Variants in MLLT10 observed in about 807,000 individuals in gnomAD.
The protein encoded by MLLT10 is MLLT10 histone lysine methyltransferase DOT1L cofactor, also known as protein AF-10.
MLLT10 carries 30 observed loss-of-function variants against 129.1 expected under a neutral mutation model. That is an observed-to-expected ratio of 0.23 (90% CI 0.17 to 0.32). The LOEUF (loss-of-function observed/expected upper bound fraction) is 0.32, where lower values mean the gene tolerates loss of function less well. Among genes scored for constraint, MLLT10 ranks in the 10% least tolerant of loss-of-function variants. The pLI, the probability that MLLT10 is intolerant of heterozygous loss-of-function variation, is 1.00. For synonymous variants in MLLT10, 490 were observed against 446.4 expected, an observed-to-expected ratio of 1.10 and a Z score of -1.23; for missense variants, 1,119 against 1,268.3, an observed-to-expected ratio of 0.88 and a Z score of 1.79.
At position 21,734,115 on chromosome 10, in the gene MLLT10, T is replaced by A. The variant is rs765336767; in HGVS notation, c.2844T>A (p.Ala948=). The stretch of plus-strand genomic sequence containing the variant: ...CTAATGCAACACATCCAATGCCAGC[T>A]ACACTGACTAACAGGTAAGAAACTT... ...VPPNATHPMP[A]TLTNSASGLG... Residue 948 remains alanine (A), a synonymous_variant, in exon 20 of 23, where the codon GCT becomes GCA. Coordinates refer to ENST00000307729, the MANE Select transcript of MLLT10 (RefSeq NM_001195626.3). 1 of 1,605,346 alleles carries A rather than the reference T, an allele frequency of 6.2e-7. No individual in the cohort carries two copies. Among genetic ancestry groups the A allele is most frequent in the Non-Finnish European group, 8.5e-7 (1 of 1,174,560 alleles).
chr10:21,555,812 C>T (rs2037852089), intron 3 of MLLT10, among the ~76,000 whole-genome samples: 1 of 151,204 alleles, frequency 6.6e-6, no homozygotes, highest in African/African-American at 2.4e-5. Context: ...GGTTTATAGG[C>T]ATGCACCACG....
chr10:21,633,986 T>G (rs1424478599), intron 8 of MLLT10, among the ~76,000 whole-genome samples: 1 of 152,132 alleles, frequency 6.6e-6, no homozygotes, highest in Admixed American at 6.5e-5. Flanking sequence ...TCTAAAATAG[T>G]CCCAGCACTT....
At chr10:21,652,951 G>A (rs936340932) in intron 9 of MLLT10, among the ~76,000 whole-genome samples, 3 of 152,166 alleles carry the variant, frequency 2.0e-5, no homozygotes, top group Non-Finnish European at 2.9e-5. Flanking sequence ...AGGATCCATG[G>A]ATGATTCCAA....
intron 14 of MLLT10, among the ~76,000 whole-genome samples, chr10:21,718,778 A>G (rs1009496719): frequency 1.4e-4 from 21 of 152,174 alleles, no homozygotes; most frequent in Non-Finnish European, 2.8e-4. Flanking sequence ...CTAGAGTGCA[A>G]TGGCACGATC....
At chr10:21,687,128 C>G (rs2053383475) in intron 13 of MLLT10, among the ~76,000 whole-genome samples, 1 of 152,144 alleles carries the variant, frequency 6.6e-6, no homozygotes, top group South Asian at 2.1e-4. Context: ...CAACTGCGCT[C>G]ACTAAACAAA....
intron 13 of MLLT10, among the ~76,000 whole-genome samples, chr10:21,706,048 T>A (rs1490195699): frequency 1.3e-5 from 2 of 152,220 alleles, no homozygotes; most frequent in Admixed American, 1.3e-4. Flanking sequence ...CTTTCCTTCC[T>A]TGTTTTAGGT....
chr10:21,623,370 G>A (rs1027078929), intron 8 of MLLT10, among the ~76,000 whole-genome samples: 1 of 152,130 alleles, frequency 6.6e-6, no homozygotes, highest in Non-Finnish European at 1.5e-5. Flanking sequence ...GTTGAAAGGG[G>A]CTTATTATGA....
intron 11 of MLLT10, among the ~76,000 whole-genome samples, chr10:21,678,017 G>C (rs1171007213): frequency 2.6e-5 from 4 of 152,196 alleles, no homozygotes; most frequent in Admixed American, 6.5e-5. Context: ...CATGTGGTTA[G>C]AAGTATGCTG....
At chr10:21,571,510 G>T (rs932695358) in intron 3 of MLLT10, among the ~76,000 whole-genome samples, 2 of 152,180 alleles carry the variant, frequency 1.3e-5, no homozygotes, top group Non-Finnish European at 2.9e-5. Context: ...CGGCCCATTT[G>T]TTTTTTGTCT....
rs759267882 is a variant in MLLT10 at position 21,740,200 on chromosome 10, C to T, written c.3126C>T (p.Leu1042=). The T allele has an allele frequency of 1.2e-5, 19 of 1,614,196 alleles. No individual in the cohort carries two copies. The highest frequency in any genetic ancestry group is 1.6e-5 in the Non-Finnish European group (19 of 1,180,040). The change falls in exon 22 of 23, where the codon CTC becomes CTT. Residue 1042 remains leucine, a synonymous_variant. Coordinates refer to ENST00000307729, the MANE Select transcript of MLLT10 (RefSeq NM_001195626.3). ...PLHTATTNPF[L]TIHGDNASQK... ...ACACAGCTACCACCAACCCATTTCT[C>T]ACCATCCATGGAGATAATGCAAGTC...
chr10:21,613,192 CAAAAAAAAA>C (rs993493277), intron 6 of MLLT10, among the ~76,000 whole-genome samples: 59 of 24,642 alleles, frequency 2.4e-3, no homozygotes, highest in African/African-American at 6.8e-3. Context: ...GACTCTGTCT[CAAAAAAAAA>C]AAAAAAAAAA....
intron 2 of MLLT10, among the ~76,000 whole-genome samples, chr10:21,538,178 A>G (rs993847121): frequency 7.1e-6 from 1 of 141,602 alleles, no homozygotes; most frequent in Admixed American, 7.1e-5. Flanking sequence ...TTTTTTTTAA[A>G]TTTGAGACGG....
chr10:21,626,391 TTA>T (rs1481621776), intron 8 of MLLT10: 2 of 622,200 alleles, frequency 3.2e-6, no homozygotes, highest in African/African-American at 3.7e-5. Context: ...TCTATGATTC[TTA>T]TGTTTACATG....
intron 3 of MLLT10, among the ~76,000 whole-genome samples, chr10:21,547,478 C>G (rs149825863): frequency 2.0e-5 from 3 of 150,174 alleles, no homozygotes; most frequent in East Asian, 3.9e-4. Context: ...TCATGTGATC[C>G]TCTCACCTTA....
At chr10:21,563,540 CAT>C (rs1292203538) in intron 3 of MLLT10, among the ~76,000 whole-genome samples, 1 of 151,960 alleles carries the variant, frequency 6.6e-6, no homozygotes, top group Admixed American at 6.6e-5. Flanking sequence ...AACAAAACAA[CAT>C]GTAACTTTCT....
At chr10:21,561,380 C>T (rs1211871772) in intron 3 of MLLT10, among the ~76,000 whole-genome samples, 1 of 152,136 alleles carries the variant, frequency 6.6e-6, no homozygotes, top group Non-Finnish European at 1.5e-5. Context: ...TCTGCCTCAC[C>T]CTTCCGAGTA....
chr10:21,645,937 G>T (rs2048428100), intron 8 of MLLT10, among the ~76,000 whole-genome samples: 1 of 152,154 alleles, frequency 6.6e-6, no homozygotes. Context: ...GGGTGTGGTG[G>T]CTCACACCTG....
chr10:21,555,381 C>A (rs573161007), intron 3 of MLLT10, among the ~76,000 whole-genome samples: 2 of 151,720 alleles, frequency 1.3e-5, no homozygotes, highest in Non-Finnish European at 2.9e-5. Context: ...TGCCACCACG[C>A]CTGGCTAATT....
At chr10:21,542,282 A>G (rs1013962881) in intron 3 of MLLT10, among the ~76,000 whole-genome samples, 1 of 152,116 alleles carries the variant, frequency 6.6e-6, no homozygotes, top group African/African-American at 2.4e-5. Flanking sequence ...TAAAAGGTGT[A>G]TTAGGGCTGG....
Sources: gnomAD v4.1 joint callset for allele counts (sites outside exome capture counted in the v4.1 genomes callset) on GRCh38, gnomAD v4.1.1 for gene constraint, MANE v1.5 for transcripts, NCBI Gene and HGNC (gene_info 2026-07-23, HGNC 2026-07-21) for gene names.